Variants in DENND4C observed in about 807,000 individuals in gnomAD.
DENND4C encodes DENN domain-containing protein 4C.
DENND4C carries 108 observed loss-of-function variants against 203.0 expected under a neutral mutation model. The ratio of observed to expected loss-of-function variants is 0.53; its 90% confidence interval spans 0.46 to 0.62. The LOEUF is 0.62. DENND4C is among the 20% of genes least tolerant of loss of function. DENND4C has a pLI of 0.00. For missense variants in DENND4C, 2,481 were observed against 2,301.2 expected (o/e 1.08, Z -1.60); for synonymous variants, 871 against 792.4 (o/e 1.10, Z -1.67).
chr9:19,259,898 T>C (rs946757681), intron 1 of DENND4C, among the ~76,000 whole-genome samples: 3 of 152,222 alleles, frequency 2.0e-5, no homozygotes, highest in African/African-American at 7.2e-5. Flanking sequence ...ATCTTGGCTA[T>C]TGTGAATAGT....
In DENND4C at chr9:19,350,897, C is replaced by G. The variant is rs1029574494; in HGVS notation, c.4495+18C>G. 3.8e-6 allele frequency: 6 copies of G among 1,576,642 alleles called. No individual in the cohort carries two copies. The highest frequency in any genetic ancestry group is 1.4e-5 in the African/African-American group (1 of 73,022). ...TCCAACAGGTATGGGGAAGGATTAT[C>G]CTTTCTTCATTTGCTTTATAATAGT... is the stretch of plus-strand genomic sequence containing the variant. On this transcript the variant is annotated intron_variant, in intron 24 of 32. Transcript: ENST00000434457.
intron 10 of DENND4C, among the ~76,000 whole-genome samples, chr9:19,313,489 C>T (rs561359811): frequency 3.9e-5 from 6 of 152,064 alleles, no homozygotes; most frequent in Admixed American, 6.5e-5. Flanking sequence ...TTAATCCAGA[C>T]GATAATGACA....
At chr9:19,249,230 GTTA>G (rs1825973613) in intron 1 of DENND4C, among the ~76,000 whole-genome samples, 1 of 151,630 alleles carries the variant, frequency 6.6e-6, no homozygotes, top group Non-Finnish European at 1.5e-5. Context: ...CCTGTCATAA[GTTA>G]TTAATATACC....
At chr9:19,270,677 A>G (rs1036609625) in intron 1 of DENND4C, among the ~76,000 whole-genome samples, 3 of 152,076 alleles carry the variant, frequency 2.0e-5, no homozygotes, top group East Asian at 1.9e-4. Context: ...ATATTTGTCT[A>G]TTGGTCATTT....
intron 3 of DENND4C, among the ~76,000 whole-genome samples, chr9:19,287,885 A>C (rs1054942689): frequency 6.6e-6 from 1 of 152,136 alleles, no homozygotes; most frequent in South Asian, 2.1e-4. Flanking sequence ...GGCGTGCGCC[A>C]CTACGCCCAC....
intron 17 of DENND4C, among the ~76,000 whole-genome samples, chr9:19,332,420 G>C (rs991586297): frequency 2.0e-5 from 3 of 151,752 alleles, no homozygotes; most frequent in Non-Finnish European, 2.9e-5. Context: ...TCAGCAGTGC[G>C]TCCTTGGCTC....
intron 17 of DENND4C, among the ~76,000 whole-genome samples, chr9:19,333,274 C>T (rs916038433): frequency 6.6e-6 from 1 of 151,964 alleles, no homozygotes; most frequent in African/African-American, 2.4e-5. Flanking sequence ...ACTTGGCCTC[C>T]CAAAGTGCCA....
intron 1 of DENND4C, among the ~76,000 whole-genome samples, chr9:19,253,304 C>G (rs557930106): frequency 6.6e-6 from 1 of 152,344 alleles, no homozygotes; most frequent in East Asian, 1.9e-4. Flanking sequence ...CTCTCTAGTT[C>G]CCACAACTCT....
At chr9:19,331,957 A>C (rs1819314772) in intron 16 of DENND4C, 21 bp from the exon 17 acceptor site, 1 of 1,586,638 alleles carries the variant, frequency 6.3e-7, no homozygotes, top group Admixed American at 1.7e-5. Flanking sequence ...TAAATATCAT[A>C]ATATTTTATT....
chr9:19,297,544 A>G (rs532710148), intron 6 of DENND4C, among the ~76,000 whole-genome samples: 1 of 152,250 alleles, frequency 6.6e-6, no homozygotes, highest in African/African-American at 2.4e-5. Context: ...AATGTATATA[A>G]TCAATATTTT....
chr9:19,253,370 C>A (rs1053753006), intron 1 of DENND4C, among the ~76,000 whole-genome samples: 1 of 152,104 alleles, frequency 6.6e-6, no homozygotes, highest in Non-Finnish European at 1.5e-5. Context: ...TTCTTTATAA[C>A]CCTCTTATGT....
chr9:19,322,527 C>T lies in DENND4C; in HGVS notation c.1808-1835C>T, dbSNP rs868365153. Among the ~76,000 whole-genome samples, 8 of 151,762 alleles carry T rather than the reference C, an allele frequency of 5.3e-5. No homozygotes were observed. The South Asian group carries it at 1.5e-3, about 28-fold the overall frequency. ...CTGTAATCCCCGCACTTTCGGAGGC[C>T]GAGGTGGGCGGATCACGAGGTCAGG... is the stretch of plus-strand genomic sequence containing the variant. On this transcript the variant is annotated intron_variant, in intron 12 of 32. Coordinates refer to ENST00000434457, the MANE Select transcript of DENND4C (RefSeq NM_001330640.2).
At chr9:19,285,705 T>C (rs749870124) in intron 2 of DENND4C, among the ~76,000 whole-genome samples, 16 of 152,264 alleles carry the variant, frequency 1.1e-4, no homozygotes, top group Non-Finnish European at 1.6e-4. Flanking sequence ...AGTTCTTACA[T>C]TGATTTTGAT....
chr9:19,300,742 A>G (rs1270864199), intron 9 of DENND4C, among the ~76,000 whole-genome samples: 2 of 152,244 alleles, frequency 1.3e-5, no homozygotes, highest in Admixed American at 6.5e-5. Context: ...AGTAATATAC[A>G]GGAAATTCTA....
intron 1 of DENND4C, among the ~76,000 whole-genome samples, chr9:19,259,880 C>T (rs1241140749): frequency 2.6e-5 from 4 of 152,138 alleles, no homozygotes; most frequent in Admixed American, 2.6e-4. Flanking sequence ...AACTTAGGTT[C>T]CTTCCAAATC....
chr9:19,330,820 T>G (rs894095710), intron 16 of DENND4C, among the ~76,000 whole-genome samples: 8 of 151,796 alleles, frequency 5.3e-5, no homozygotes, highest in African/African-American at 1.9e-4. Flanking sequence ...GAGGCTGAGG[T>G]GGGCAGATCA....
At chr9:19,325,177 GGTAATAGAAGTTCTAT>G (rs1843521294) in intron 13 of DENND4C, among the ~76,000 whole-genome samples, 1 of 151,800 alleles carries the variant, frequency 6.6e-6, no homozygotes, top group African/African-American at 2.4e-5. Context: ...TAGTTTTATG[GGTAATAGAAGTTCTAT>G]GTTCTTTTGT....
At chr9:19,288,542 T>A in intron 3 of DENND4C, 54 bp from the exon 4 acceptor site, 1 of 1,107,702 alleles carries the variant, frequency 9.0e-7, no homozygotes, top group Non-Finnish European at 1.1e-6. Flanking sequence ...TCCAACAAAA[T>A]CAATTTCTTT....
At chr9:19,341,262 AT>A in intron 21 of DENND4C, 148 bp downstream of exon 21, 1 of 484,572 alleles carries the variant, frequency 2.1e-6, no homozygotes, top group Non-Finnish European at 3.3e-6. Context: ...CATAAGGTAG[AT>A]TTTGGTAGTC....
Sources: gnomAD v4.1 joint callset for allele counts (sites outside exome capture counted in the v4.1 genomes callset) on GRCh38, gnomAD v4.1.1 for gene constraint, MANE v1.5 for transcripts, NCBI Gene and HGNC (gene_info 2026-07-23, HGNC 2026-07-21) for gene names.